Variants in UST observed in about 807,000 individuals in gnomAD.
UST encodes the protein chondroitin sulfate 2-O-sulfotransferase.
A neutral mutation model predicts 45.6 loss-of-function variants in UST; 21 were observed. The observed-to-expected ratio is 0.46, with a 90% confidence interval of 0.33 to 0.66. The LOEUF (loss-of-function observed/expected upper bound fraction) is 0.66. UST is among the 30% of genes least tolerant of loss of function. The pLI, the probability that UST is intolerant of heterozygous loss-of-function variation, is 0.02. For missense variants in UST, 463 were observed against 512.4 expected, an observed-to-expected ratio of 0.90 and a Z score of 0.93; for synonymous variants, 215 against 200.6, an observed-to-expected ratio of 1.07 and a Z score of -0.61.
At chr6:149,016,437 T>C (rs1775900314) in intron 5 of UST, among the ~76,000 whole-genome samples, 1 of 152,208 alleles carries the variant, frequency 6.6e-6, no homozygotes, top group African/African-American at 2.4e-5. Flanking sequence ...AGGTGTCTGC[T>C]TCCTTTCTTG....
At chr6:148,808,962 TGAG>T (rs1777201456) in intron 1 of UST, among the ~76,000 whole-genome samples, 1 of 152,246 alleles carries the variant, frequency 6.6e-6, no homozygotes, top group Non-Finnish European at 1.5e-5. Flanking sequence ...TCCAGAATGA[TGAG>T]AAGTAAATAT....
intron 1 of UST, among the ~76,000 whole-genome samples, chr6:148,821,961 G>A (rs1777474196): frequency 6.6e-6 from 1 of 152,120 alleles, no homozygotes; most frequent in Admixed American, 6.6e-5. Flanking sequence ...CTTTCTACAT[G>A]TCCCCGTCAT....
chr6:148,876,685 C>G (rs906982497), intron 1 of UST, among the ~76,000 whole-genome samples: 3 of 152,096 alleles, frequency 2.0e-5, no homozygotes, highest in African/African-American at 7.2e-5. Flanking sequence ...TTAAAATACA[C>G]AGCACCCTGA....
At chr6:148,820,788 G>A (rs537241356) in intron 1 of UST, among the ~76,000 whole-genome samples, 2 of 149,406 alleles carry the variant, frequency 1.3e-5, no homozygotes, top group East Asian at 4.1e-4. Flanking sequence ...GGGAGGTGGA[G>A]CTTGCAGTGA....
intron 5 of UST, among the ~76,000 whole-genome samples, chr6:149,014,884 C>T (rs575976597): frequency 6.6e-6 from 1 of 152,296 alleles, no homozygotes; most frequent in African/African-American, 2.4e-5. Context: ...CCATTGTTAT[C>T]CCTGTTGCAC....
intron 7 of UST, among the ~76,000 whole-genome samples, chr6:149,042,305 A>C (rs1419841294): frequency 6.6e-6 from 1 of 152,214 alleles, no homozygotes; most frequent in Non-Finnish European, 1.5e-5. Flanking sequence ...ATTCATCTAA[A>C]TTTGGTGCAC....
chr6:148,965,533 G>A (rs765508488), intron 5 of UST, among the ~76,000 whole-genome samples: 75 of 152,296 alleles, frequency 4.9e-4, no homozygotes, highest in Non-Finnish European at 9.7e-4. Context: ...CAGCCTTGCC[G>A]CTGGAGAAAA....
At chr6:149,023,762 A>G (rs768880857) in intron 7 of UST, among the ~76,000 whole-genome samples, 13 of 151,972 alleles carry the variant, frequency 8.6e-5, no homozygotes, top group Admixed American at 2.0e-4. Flanking sequence ...ATACAGATAA[A>G]CCACCTATAA....
intron 5 of UST, among the ~76,000 whole-genome samples, chr6:148,969,055 T>A (rs1305940946): frequency 6.6e-6 from 1 of 152,194 alleles, no homozygotes; most frequent in Non-Finnish European, 1.5e-5. Flanking sequence ...TTGGCCAGAG[T>A]CAGCAAAGGT....
At chr6:148,812,017 C>T (rs1777266969) in intron 1 of UST, among the ~76,000 whole-genome samples, 1 of 152,168 alleles carries the variant, frequency 6.6e-6, no homozygotes. Context: ...TAACATTCAC[C>T]ATTCACATTA....
chr6:149,070,055 C>T (rs10872632), intron 7 of UST, among the ~76,000 whole-genome samples: 37,239 of 151,836 alleles, frequency 0.25, 4,687 homozygotes, highest in East Asian at 0.28. Context: ...CCCTTGGATC[C>T]TTTGCCAGGT....
intron 7 of UST, among the ~76,000 whole-genome samples, chr6:149,054,200 AAAG>A (rs1776530706): frequency 6.6e-6 from 1 of 152,226 alleles, no homozygotes; most frequent in African/African-American, 2.4e-5. Context: ...AAATCTACCC[AAAG>A]AAGAGCCAAA....
At chr6:149,059,818 A>C (rs1030572819) in intron 7 of UST, among the ~76,000 whole-genome samples, 10 of 152,176 alleles carry the variant, frequency 6.6e-5, no homozygotes, top group Non-Finnish European at 1.2e-4. Flanking sequence ...AGCCCCAGGC[A>C]ATAACCTAGA....
At chr6:148,960,028 C>T (rs562019529) in intron 4 of UST, among the ~76,000 whole-genome samples, 1 of 152,052 alleles carries the variant, frequency 6.6e-6, no homozygotes, top group Admixed American at 6.5e-5. Flanking sequence ...GTGACTGACA[C>T]CTGTAATCCC....
chr6:148,981,745 T>A (rs1562320009), intron 5 of UST, among the ~76,000 whole-genome samples: 1 of 152,242 alleles, frequency 6.6e-6, no homozygotes, highest in Non-Finnish European at 1.5e-5. Context: ...TTTGCATATT[T>A]TTCATTCATA....
rs541980996 is a variant in UST at position 148,764,267 on chromosome 6, T to C, written c.247+16590T>C. Among the ~76,000 whole-genome samples the C allele has an allele frequency of 6.6e-5, 10 of 152,302 alleles. No homozygotes were observed. The East Asian group carries it at 1.4e-3, about 21-fold the overall frequency. The stretch of plus-strand genomic sequence containing the variant: ...TTTTTTGTGGCTATTGTAAATGATA[T>C]TGAGTTCTTGATTTGGCTCTCAGCT... On this transcript the variant is annotated intron_variant, in intron 1 of 7. Coordinates refer to ENST00000367463, the MANE Select transcript of UST (RefSeq NM_005715.3).
At chr6:148,889,583 G>C (rs1582879637) in intron 2 of UST, among the ~76,000 whole-genome samples, 2 of 152,110 alleles carry the variant, frequency 1.3e-5, no homozygotes, top group South Asian at 4.1e-4. Context: ...GGATTAGGTG[G>C]CTCTGTCAAT....
At chr6:149,048,395 G>A (rs1254803052) in intron 7 of UST, among the ~76,000 whole-genome samples, 1 of 152,028 alleles carries the variant, frequency 6.6e-6, no homozygotes, top group Non-Finnish European at 1.5e-5. Flanking sequence ...AATCAGCTGG[G>A]TGTGGTGGCG....
At chr6:149,049,252 G>T (rs918675221) in intron 7 of UST, among the ~76,000 whole-genome samples, 2 of 151,982 alleles carry the variant, frequency 1.3e-5, no homozygotes, top group African/African-American at 2.4e-5. Context: ...ACAATAAAAA[G>T]ACAACTGTAA....
Sources: allele counts gnomAD v4.1 joint callset (sites outside exome capture counted in the v4.1 genomes callset), GRCh38; gene constraint gnomAD v4.1.1; transcripts MANE v1.5; gene names NCBI Gene and HGNC (gene_info 2026-07-23, HGNC 2026-07-21).